The following FHIT variants were observed in gnomAD, a reference collection of about 807,000 sequenced individuals.
FHIT encodes fragile histidine triad diadenosine triphosphatase.
Under a neutral mutation model 17.9 loss-of-function variants are expected in FHIT, and 19 were observed. The observed-to-expected ratio is 1.06, with a 90% confidence interval of 0.74 to 1.56. The LOEUF is 1.56. FHIT is among the 40% of genes most tolerant of loss of function. The pLI is 0.00. For missense variants in FHIT, 248 were observed against 189.2 expected, an observed-to-expected ratio of 1.31 and a Z score of -1.82; for synonymous variants, 81 against 69.7, an observed-to-expected ratio of 1.16 and a Z score of -0.81.
intron 3 of FHIT, among the ~76,000 whole-genome samples, chr3:60,842,632 T>C (rs1261193825): frequency 1.3e-4 from 4 of 31,944 alleles, no homozygotes; most frequent in Non-Finnish European, 3.8e-4. Context: ...TATGAGTGTA[T>C]ATATATATAT....
intron 4 of FHIT, among the ~76,000 whole-genome samples, chr3:60,621,886 A>C (rs2039141180): frequency 6.6e-6 from 1 of 150,488 alleles, no homozygotes; most frequent in Non-Finnish European, 1.5e-5. Flanking sequence ...AAAAAAAAAA[A>C]TACAATTACA....
At chr3:59,800,838 G>GA (rs1213115505) in intron 8 of FHIT, among the ~76,000 whole-genome samples, 2 of 152,156 alleles carry the variant, frequency 1.3e-5, no homozygotes, top group Non-Finnish European at 2.9e-5. Flanking sequence ...GCAGGAGGGG[G>GA]AGAGAAGAAA....
intron 4 of FHIT, among the ~76,000 whole-genome samples, chr3:60,538,001 C>A (rs139764140): frequency 6.6e-6 from 1 of 152,030 alleles, no homozygotes; most frequent in East Asian, 1.9e-4. Context: ...TTTCCTGGCA[C>A]GCAACTCCTA....
At chr3:60,658,636 A>G (rs1208825422) in intron 4 of FHIT, among the ~76,000 whole-genome samples, 2 of 152,158 alleles carry the variant, frequency 1.3e-5, no homozygotes, top group African/African-American at 2.4e-5. Context: ...GCTCTAAAAT[A>G]TAAACTGATA....
chr3:60,008,776 G>C (rs926692139), intron 7 of FHIT, among the ~76,000 whole-genome samples: 1 of 152,218 alleles, frequency 6.6e-6, no homozygotes, highest in African/African-American at 2.4e-5. Flanking sequence ...TTGAATTGTA[G>C]TATTCACAAC....
chr3:60,573,697 A>T (rs1264458561), intron 4 of FHIT, among the ~76,000 whole-genome samples: 1 of 152,206 alleles, frequency 6.6e-6, no homozygotes, highest in African/African-American at 2.4e-5. Flanking sequence ...GGTGAGAGTG[A>T]TGAGTCAAAT....
intron 5 of FHIT, among the ~76,000 whole-genome samples, chr3:60,237,874 GC>G (rs1704889402): frequency 6.6e-6 from 1 of 152,084 alleles, no homozygotes; most frequent in Non-Finnish European, 1.5e-5. Flanking sequence ...GGTGGCTTAT[GC>G]CTATAATCCC....
chr3:60,756,332 C>G (rs2042570614), intron 4 of FHIT, among the ~76,000 whole-genome samples: 1 of 151,988 alleles, frequency 6.6e-6, no homozygotes, highest in South Asian at 2.1e-4. Flanking sequence ...TCACATTGTC[C>G]CTTAGAAGCT....
At chr3:60,096,492 C>T (rs762729252) in intron 5 of FHIT, among the ~76,000 whole-genome samples, 7 of 152,282 alleles carry the variant, frequency 4.6e-5, no homozygotes, top group Admixed American at 2.0e-4. Flanking sequence ...AGGTTTCATC[C>T]AGGACCAGCA....
At chr3:60,220,074 C>A (rs1703893425) in intron 5 of FHIT, among the ~76,000 whole-genome samples, 1 of 151,938 alleles carries the variant, frequency 6.6e-6, no homozygotes, top group African/African-American at 2.4e-5. Flanking sequence ...AGGATAGAGG[C>A]TAAACATGAA....
chr3:61,039,306 TACA>T (rs1402810335), intron 3 of FHIT, among the ~76,000 whole-genome samples: 2 of 152,298 alleles, frequency 1.3e-5, no homozygotes, highest in South Asian at 2.1e-4. Flanking sequence ...TAGAGATTAC[TACA>T]ACAACATTTT....
At chr3:61,205,566 T>G (rs1027391550) in intron 1 of FHIT, among the ~76,000 whole-genome samples, 2 of 152,216 alleles carry the variant, frequency 1.3e-5, no homozygotes. Flanking sequence ...ATGTCTCTGA[T>G]GGCCAGTGAT....
At chr3:60,961,563 T>C (rs1553780842) in intron 3 of FHIT, among the ~76,000 whole-genome samples, 1 of 152,174 alleles carries the variant, frequency 6.6e-6, no homozygotes, top group African/African-American at 2.4e-5. Context: ...TGGTTTTAGG[T>C]CTAACATTTA....
chr3:60,157,310 C>CT (rs1160698612), intron 5 of FHIT, among the ~76,000 whole-genome samples: 3 of 152,070 alleles, frequency 2.0e-5, no homozygotes, highest in Non-Finnish European at 2.9e-5. Flanking sequence ...ACATCAAGAG[C>CT]TTTTTTTAAA....
chr3:61,206,822 C>A (rs1424597500), intron 1 of FHIT, among the ~76,000 whole-genome samples: 1 of 152,132 alleles, frequency 6.6e-6, no homozygotes, highest in African/African-American at 2.4e-5. Context: ...TCTTCTCCTG[C>A]CTGATTGCCC....
At chr3:60,041,935 T>C (rs1701456111) in intron 5 of FHIT, among the ~76,000 whole-genome samples, 2 of 152,262 alleles carry the variant, frequency 1.3e-5, no homozygotes, top group African/African-American at 2.4e-5. Flanking sequence ...TTCTGAAATA[T>C]ATACTTTGTT....
At chr3:60,920,497 G>A (rs11713112) in intron 3 of FHIT, among the ~76,000 whole-genome samples, 42,379 of 151,694 alleles carry the variant, frequency 0.28, 6,417 homozygotes, top group East Asian at 0.62. Flanking sequence ...AGTGGTAGTG[G>A]CAGGGAATAG....
chr3:61,108,480 A>T (rs1440140459), intron 2 of FHIT, among the ~76,000 whole-genome samples: 1 of 152,212 alleles, frequency 6.6e-6, no homozygotes, highest in African/African-American at 2.4e-5. Context: ...TACACATAAT[A>T]AATGAATGTT....
chr3:61,001,546 C>T (rs574157021), intron 3 of FHIT, among the ~76,000 whole-genome samples: 12 of 152,186 alleles, frequency 7.9e-5, no homozygotes, highest in African/African-American at 2.6e-4. Flanking sequence ...AAAATTAAAG[C>T]CAATCTCAAG....
Sources: gnomAD v4.1 joint callset for allele counts (sites outside exome capture counted in the v4.1 genomes callset) on GRCh38, gnomAD v4.1.1 for gene constraint, MANE v1.5 for transcripts, NCBI Gene and HGNC (gene_info 2026-07-23, HGNC 2026-07-21) for gene names.